NRXN3: variants seen among roughly 807,000 people sequenced by gnomAD.
The protein encoded by NRXN3 is neurexin III.
In NRXN3, 32 loss-of-function variants were observed where a neutral mutation model predicts 137.6. The ratio of observed to expected loss-of-function variants is 0.23; its 90% CI spans 0.18 to 0.31. NRXN3 has a LOEUF of 0.31. NRXN3 is among the 10% of genes least tolerant of loss of function. The probability of loss-of-function intolerance (pLI) is 1.00; values close to 1 mark genes in which losing one functional copy is unlikely to be tolerated. For missense variants in NRXN3, 1,574 were observed against 2,062.5 expected (o/e 0.76, Z 4.59); for synonymous variants, 798 against 784.5 (o/e 1.02, Z -0.29).
intron 15 of NRXN3, among the ~76,000 whole-genome samples, chr14:79,437,650 G>T (rs2003616): frequency 0.25 from 37,752 of 151,874 alleles, 5,393 homozygotes; most frequent in South Asian, 0.36. Context: ...CATGGCTGCC[G>T]AACCTCACAG....
intron 15 of NRXN3, among the ~76,000 whole-genome samples, chr14:79,067,825 A>G (rs1354921623): frequency 2.6e-5 from 4 of 152,044 alleles, no homozygotes; most frequent in Non-Finnish European, 5.9e-5. Context: ...TAACACATGA[A>G]CCCATTCAAC....
In NRXN3 at chr14:78,895,427, T is replaced by G. The variant is rs531508471; in HGVS notation, c.2276-61815T>G. 5.3e-5 allele frequency among the ~76,000 whole-genome samples: 8 copies of G among 152,046 alleles called. 1 individual carries two copies. The East Asian group carries it at 1.6e-3, about 30-fold the overall frequency. ...TCACCTCTCTTAGCCTTCATAGAAT[T>G]GGAAATAGTTTGGGCCTTGCTCTGG... On this transcript the variant is annotated intron_variant, in intron 10 of 20. Transcript: ENST00000335750.
intron 2 of NRXN3, among the ~76,000 whole-genome samples, chr14:78,275,886 GTT>G (rs773063977): frequency 2.6e-5 from 4 of 152,120 alleles, no homozygotes; most frequent in Non-Finnish European, 5.9e-5. Context: ...CACTGCTAAG[GTT>G]TTGATCCTTA....
intron 16 of NRXN3, among the ~76,000 whole-genome samples, chr14:79,637,504 A>G (rs965762229): frequency 5.3e-5 from 8 of 151,878 alleles, no homozygotes; most frequent in Admixed American, 6.6e-5. Flanking sequence ...CAGTGTAGGA[A>G]AGGGGGGAAT....
chr14:79,522,089 G>C (rs1236423779), intron 16 of NRXN3, among the ~76,000 whole-genome samples: 1 of 152,110 alleles, frequency 6.6e-6, no homozygotes, highest in East Asian at 1.9e-4. Flanking sequence ...CAGAAACATA[G>C]ACAGAGGAAA....
chr14:78,173,220 T>C (rs1161478654), intron 1 of NRXN3, among the ~76,000 whole-genome samples: 1 of 152,056 alleles, frequency 6.6e-6, no homozygotes, highest in Non-Finnish European at 1.5e-5. Context: ...ATTTCTATTC[T>C]GCACCCCCCT....
chr14:78,603,079 G>A (rs1192136012), intron 4 of NRXN3, among the ~76,000 whole-genome samples: 2 of 152,044 alleles, frequency 1.3e-5, no homozygotes. Context: ...GTAGTAGACA[G>A]TGGAGCTAAA....
At chr14:78,379,677 T>A (rs887846064) in intron 4 of NRXN3, among the ~76,000 whole-genome samples, 5 of 152,238 alleles carry the variant, frequency 3.3e-5, no homozygotes, top group Admixed American at 2.0e-4. Context: ...TAAGTGCTTT[T>A]GCACTAAGAT....
At chr14:79,057,352 C>T (rs1397216209) in intron 15 of NRXN3, among the ~76,000 whole-genome samples, 1 of 152,164 alleles carries the variant, frequency 6.6e-6, no homozygotes, top group Non-Finnish European at 1.5e-5. Context: ...GAAAACATTG[C>T]TTTTCTGTGT....
At chr14:79,277,563 T>C (rs74067958) in intron 15 of NRXN3, among the ~76,000 whole-genome samples, 7,373 of 152,282 alleles carry the variant, frequency 0.048, 459 homozygotes, top group African/African-American at 0.14. Flanking sequence ...ATATTGCCAC[T>C]GTTTGTCAGG....
At position 79,657,535 on chromosome 14, in the gene NRXN3, A is replaced by C. The variant is rs2098512138; in HGVS notation, c.3445-6243A>C. The stretch of plus-strand genomic sequence containing the variant: ...TCTCTTACCTCTCTTGAAATACCTT[A>C]ATAATGAAGTGCTTACTCTGTGCTT... On this transcript the variant is annotated intron_variant, in intron 16 of 20. Coordinates refer to ENST00000335750, the MANE Select transcript of NRXN3 (RefSeq NM_001330195.2). 2.0e-5 allele frequency among the ~76,000 whole-genome samples: 3 copies of C among 152,172 alleles called. No homozygotes were observed. The South Asian group carries it at 6.2e-4, about 32-fold the overall frequency.
chr14:78,992,831 A>G (rs1440740179), intron 15 of NRXN3, among the ~76,000 whole-genome samples: 1 of 152,212 alleles, frequency 6.6e-6, no homozygotes, highest in Non-Finnish European at 1.5e-5. Flanking sequence ...AGAAGCACAT[A>G]TAGGACAGTC....
chr14:79,042,905 G>A (rs1230994172), intron 15 of NRXN3, among the ~76,000 whole-genome samples: 1 of 151,140 alleles, frequency 6.6e-6, no homozygotes, highest in Non-Finnish European at 1.5e-5. Context: ...TTTTTTTTTG[G>A]TAAGATTTTG....
intron 4 of NRXN3, among the ~76,000 whole-genome samples, chr14:78,632,915 TA>T (rs917409322): frequency 6.6e-6 from 1 of 151,864 alleles, no homozygotes; most frequent in African/African-American, 2.4e-5. Flanking sequence ...ATAGCAAAAA[TA>T]AAAAATCTTC....
At chr14:79,358,957 A>T (rs973006661) in intron 15 of NRXN3, among the ~76,000 whole-genome samples, 8 of 152,182 alleles carry the variant, frequency 5.3e-5, no homozygotes, top group Admixed American at 3.3e-4. Context: ...TTAATGGGAG[A>T]TGGGAGGAAG....
chr14:79,807,339 A>C (rs2099211889), intron 20 of NRXN3, among the ~76,000 whole-genome samples: 1 of 152,056 alleles, frequency 6.6e-6, no homozygotes, highest in Non-Finnish European at 1.5e-5. Flanking sequence ...GTCATTCTGA[A>C]ATATTATCAC....
At chr14:79,260,053 C>T (rs1196122080) in intron 15 of NRXN3, among the ~76,000 whole-genome samples, 1 of 152,182 alleles carries the variant, frequency 6.6e-6, no homozygotes, top group Non-Finnish European at 1.5e-5. Flanking sequence ...TGATCCTGGT[C>T]ATATGTTTTC....
chr14:78,711,997 G>A (rs531420107), intron 7 of NRXN3, among the ~76,000 whole-genome samples: 1 of 152,016 alleles, frequency 6.6e-6, no homozygotes, highest in African/African-American at 2.4e-5. Context: ...ATAACAAACA[G>A]TGATCTAGAA....
At chr14:79,656,427 G>A (rs771105402) in intron 16 of NRXN3, among the ~76,000 whole-genome samples, 8 of 152,170 alleles carry the variant, frequency 5.3e-5, no homozygotes, top group Non-Finnish European at 1.2e-4. Context: ...TGAATGAGAA[G>A]TGGATGTTCC....
Sources: gnomAD v4.1 joint callset for allele counts (sites outside exome capture counted in the v4.1 genomes callset) on GRCh38, gnomAD v4.1.1 for gene constraint, MANE v1.5 for transcripts, NCBI Gene and HGNC (gene_info 2026-07-23, HGNC 2026-07-21) for gene names.